PLCL1: variants seen among roughly 807,000 people sequenced by gnomAD.
The protein encoded by PLCL1 is phospholipase C like 1 (inactive), also known as inactive phospholipase C-like protein 1.
PLCL1 carries 41 observed loss-of-function variants against 84.4 expected under a neutral mutation model. The observed-to-expected ratio is 0.49, with a 90% CI of 0.38 to 0.63. PLCL1 has a LOEUF of 0.63. Among genes scored for constraint, PLCL1 ranks in the 30% least tolerant of loss-of-function variants. The pLI is 0.00. For synonymous variants in PLCL1, 490 were observed against 488.3 expected, an observed-to-expected ratio of 1.00 and a Z score of -0.05; for missense variants, 1,206 against 1,367.8, an observed-to-expected ratio of 0.88 and a Z score of 1.87.
At chr2:198,057,049 T>C (rs1055542060) in intron 1 of PLCL1, among the ~76,000 whole-genome samples, 1 of 152,176 alleles carries the variant, frequency 6.6e-6, no homozygotes. Flanking sequence ...TCAGGGAGCT[T>C]TGCATTTCAT....
chr2:197,992,060 T>C lies in PLCL1; in HGVS notation c.241-91698T>C, dbSNP rs1690356445. 7.2e-5 allele frequency among the ~76,000 whole-genome samples: 11 copies of C among 151,990 alleles called. No individual in the cohort carries two copies. In the South Asian group the frequency reaches 2.3e-3, roughly 32 times the overall value. On this transcript the variant is annotated intron_variant, in intron 1 of 5. Transcript: ENST00000428675. Reference sequence around the variant, plus strand: ...CAGCATTCATTTTTTTTTTTTATGATTAGCAAGATTTTTTTAATTATACTT... The same window carrying C: ...CAGCATTCATTTTTTTTTTTTATGACTAGCAAGATTTTTTTAATTATACTT...
intron 5 of PLCL1, among the ~76,000 whole-genome samples, chr2:198,141,704 T>A (rs147645843): frequency 1.3e-5 from 2 of 152,234 alleles, no homozygotes; most frequent in East Asian, 3.9e-4. Flanking sequence ...TAACTACTCA[T>A]CCCACTATGA....
chr2:198,134,622 G>A (rs944823829), intron 5 of PLCL1, among the ~76,000 whole-genome samples: 6 of 152,094 alleles, frequency 3.9e-5, no homozygotes, highest in African/African-American at 1.4e-4. Flanking sequence ...GACAATTTCA[G>A]CCTCTTTAAA....
At chr2:197,922,632 G>A (rs1442433987) in intron 1 of PLCL1, among the ~76,000 whole-genome samples, 1 of 143,942 alleles carries the variant, frequency 6.9e-6, no homozygotes, top group Non-Finnish European at 1.5e-5. Flanking sequence ...GCGGCTGGCC[G>A]GGCAGGGGGC....
chr2:197,868,913 T>A (rs1687596169), intron 1 of PLCL1, among the ~76,000 whole-genome samples: 1 of 152,128 alleles, frequency 6.6e-6, no homozygotes, highest in Non-Finnish European at 1.5e-5. Context: ...AGAAAAATAC[T>A]AAGAAATTAT....
At chr2:197,870,373 A>C (rs1235685252) in intron 1 of PLCL1, among the ~76,000 whole-genome samples, 1 of 152,054 alleles carries the variant, frequency 6.6e-6, no homozygotes, top group Non-Finnish European at 1.5e-5. Context: ...CCTTTTTAAC[A>C]TAGAATGTAG....
chr2:198,122,745 C>A (rs2105929083), intron 5 of PLCL1, among the ~76,000 whole-genome samples: 1 of 152,060 alleles, frequency 6.6e-6, no homozygotes, highest in Admixed American at 6.6e-5. Flanking sequence ...TGAATTTGTT[C>A]CAGTTTTAAA....
chr2:198,085,030 C>T lies in PLCL1; in HGVS notation c.1513C>T (p.Gln505Ter). ...CSLPQQKVMA[Q>*]QMKKVFGNKL... Reference sequence around the variant, plus strand: ...CTTGCCGCAGCAGAAGGTAATGGCTCAACAGATGAAAAAGGTCTTTGGCAA... The same window carrying T: ...CTTGCCGCAGCAGAAGGTAATGGCTTAACAGATGAAAAAGGTCTTTGGCAA... The change falls in exon 2 of 6, where the codon CAA (glutamine) becomes TAA (stop). Residue 505 changes from glutamine (Q) to a stop codon, truncating the protein, a stop_gained. Coordinates refer to ENST00000428675, the MANE Select transcript of PLCL1 (RefSeq NM_006226.4). LOFTEE classifies it high-confidence loss of function. The surrounding 1 kb of genome is among the most constrained non-coding windows in gnomAD (Gnocchi z 5.3). The T allele has an allele frequency of 2.5e-6, 4 of 1,613,922 alleles. No homozygotes were observed. The highest frequency in any genetic ancestry group is 3.4e-6 in the Non-Finnish European group (4 of 1,179,944).
chr2:197,867,411 C>T (rs1445399625), intron 1 of PLCL1, among the ~76,000 whole-genome samples: 1 of 151,578 alleles, frequency 6.6e-6, no homozygotes, highest in African/African-American at 2.4e-5. Context: ...TATAAGTCCG[C>T]TGGTCTTTGT....
intron 5 of PLCL1, among the ~76,000 whole-genome samples, chr2:198,129,472 C>G (rs1694070384): frequency 6.6e-6 from 1 of 152,066 alleles, no homozygotes; most frequent in Admixed American, 6.6e-5. Context: ...TGTAAGTCTC[C>G]TGCTTCGAGT....
In PLCL1 at chr2:198,110,654, A is replaced by T. The variant is rs147117056; in HGVS notation, c.3105+6718A>T. ...GTGAGAAGTGGGCTACCCTTCACTT[A>T]CTGGCCATAGATATTTAAAATCATT... On this transcript the variant is annotated intron_variant, in intron 5 of 5. Coordinates refer to ENST00000428675, the MANE Select transcript of PLCL1 (RefSeq NM_006226.4). Among the ~76,000 whole-genome samples, 1,267 of 151,978 alleles carry T rather than the reference A, an allele frequency of 8.3e-3. 13 individuals carry two copies. Among genetic ancestry groups the T allele is most frequent in the African/African-American group, 0.029 (1,186 of 41,518 alleles).
intron 1 of PLCL1, among the ~76,000 whole-genome samples, chr2:197,928,898 A>G (rs533468883): frequency 5.3e-5 from 8 of 152,322 alleles, no homozygotes; most frequent in African/African-American, 1.9e-4. Context: ...ATACCTGGAA[A>G]AATATACCAC....
At chr2:198,067,864 T>G (rs1692357209) in intron 1 of PLCL1, among the ~76,000 whole-genome samples, 2 of 152,242 alleles carry the variant, frequency 1.3e-5, no homozygotes, top group South Asian at 4.1e-4. Context: ...ATTTTCATTT[T>G]TGAACACAAA....
chr2:197,813,448 A>G (rs1293729310), intron 1 of PLCL1, among the ~76,000 whole-genome samples: 1 of 151,920 alleles, frequency 6.6e-6, no homozygotes, highest in Non-Finnish European at 1.5e-5. Flanking sequence ...CATTTAGTAA[A>G]CTCCAGCTTT....
intron 1 of PLCL1, among the ~76,000 whole-genome samples, chr2:197,810,017 G>A (rs1029322534): frequency 2.0e-5 from 3 of 152,090 alleles, no homozygotes; most frequent in African/African-American, 7.2e-5. Context: ...CTTATGGATG[G>A]ATTTTGGAGA....
At chr2:197,816,013 G>A (rs969369556) in intron 1 of PLCL1, among the ~76,000 whole-genome samples, 9 of 152,120 alleles carry the variant, frequency 5.9e-5, no homozygotes, top group Non-Finnish European at 1.0e-4. Context: ...GCAGCAGCAG[G>A]GTTCAAGAGA....
intron 1 of PLCL1, among the ~76,000 whole-genome samples, chr2:197,864,349 CTTT>C (rs751518994): frequency 1.5e-5 from 2 of 131,316 alleles, no homozygotes; most frequent in Non-Finnish European, 1.7e-5. Flanking sequence ...TCAACTCTTT[CTTT>C]TTTTTTTTTT....
At chr2:197,956,606 C>T (rs1456553011) in intron 1 of PLCL1, among the ~76,000 whole-genome samples, 7 of 152,018 alleles carry the variant, frequency 4.6e-5, no homozygotes, top group African/African-American at 1.2e-4. Flanking sequence ...TTTTAATAAT[C>T]GCCATTCTGA....
At chr2:197,924,349 C>T (rs1390442028) in intron 1 of PLCL1, among the ~76,000 whole-genome samples, 1 of 152,138 alleles carries the variant, frequency 6.6e-6, no homozygotes, top group Admixed American at 6.6e-5. Context: ...GCAGTCATAT[C>T]ACAAATACAC....
Sources: gnomAD v4.1 joint callset for allele counts (sites outside exome capture counted in the v4.1 genomes callset) on GRCh38, gnomAD v4.1.1 for gene constraint, Gnocchi (gnomAD v3.1) non-coding constraint, MANE v1.5 for transcripts, NCBI Gene and HGNC (gene_info 2026-07-23, HGNC 2026-07-21) for gene names.